Variants in PDE4B observed in about 807,000 individuals in gnomAD.
PDE4B encodes the protein phosphodiesterase 4B.
In PDE4B, 20 loss-of-function variants were observed where a neutral mutation model predicts 82.2. The observed-to-expected ratio is 0.24, with a 90% confidence interval of 0.17 to 0.35. PDE4B has a LOEUF of 0.35. Among genes scored for constraint, PDE4B ranks in the 10% least tolerant of loss-of-function variants. The pLI is 1.00. For synonymous variants in PDE4B, 320 were observed against 318.9 expected (o/e 1.00, Z -0.04); for missense variants, 655 against 907.2 (o/e 0.72, Z 3.57).
rs953666230 is a variant in PDE4B at position 65,918,668 on chromosome 1, C to G, written c.114C>G (p.Asp38Glu). ...CTTCCAGTAACACACTTGGGATCGA[C>G]CTCTGGAGAGGGAGAAGGTGTTGCT... ...YSSSSNTLGI[D>E]LWRGRRCCSG... The change falls in exon 3 of 17, where the codon GAC becomes GAG. Residue 38 changes from aspartate to glutamate, a missense_variant. Asp to Glu is a conservative substitution (Grantham distance 45). Coordinates refer to ENST00000341517, the MANE Select transcript of PDE4B (RefSeq NM_002600.4). The G allele has an allele frequency of 1.2e-6, 2 of 1,613,816 alleles. No homozygotes were observed. Among genetic ancestry groups the G allele is most frequent in the Admixed American group, 1.7e-5 (1 of 60,010 alleles).
At chr1:66,091,016 T>C (rs1645012516) in intron 3 of PDE4B, among the ~76,000 whole-genome samples, 2 of 151,988 alleles carry the variant, frequency 1.3e-5, no homozygotes, top group East Asian at 3.9e-4. Flanking sequence ...AATGTGTTCA[T>C]TGGAGTGGAG....
intron 7 of PDE4B, among the ~76,000 whole-genome samples, chr1:66,331,549 A>G (rs1660108318): frequency 6.6e-6 from 1 of 152,270 alleles, no homozygotes; most frequent in Non-Finnish European, 1.5e-5. Context: ...TAGCAAAAAA[A>G]TGTGATTTTC....
At chr1:65,852,834 A>G (rs528616247) in intron 1 of PDE4B, among the ~76,000 whole-genome samples, 107 of 152,106 alleles carry the variant, frequency 7.0e-4, no homozygotes, top group South Asian at 6.2e-4. Context: ...TACACTTTTC[A>G]TATACTTGAA....
intron 1 of PDE4B, among the ~76,000 whole-genome samples, chr1:65,838,706 C>T (rs1044418465): frequency 2.0e-5 from 3 of 150,808 alleles, no homozygotes; most frequent in East Asian, 1.9e-4. Context: ...TGCTAGTGAT[C>T]GATTTAGCCC....
intron 3 of PDE4B, among the ~76,000 whole-genome samples, chr1:66,082,582 A>G (rs1656796414): frequency 1.3e-5 from 2 of 151,780 alleles, no homozygotes; most frequent in South Asian, 2.1e-4. Flanking sequence ...TCATTTTGTC[A>G]GTTTTAAATG....
At chr1:66,055,330 A>G (rs1022541564) in intron 3 of PDE4B, among the ~76,000 whole-genome samples, 4 of 152,188 alleles carry the variant, frequency 2.6e-5, no homozygotes, top group African/African-American at 9.6e-5. Context: ...CATTTATTTA[A>G]CTTCCTTGAG....
intron 3 of PDE4B, among the ~76,000 whole-genome samples, chr1:65,995,766 T>C (rs554105644): frequency 6.6e-6 from 1 of 152,344 alleles, no homozygotes; most frequent in East Asian, 1.9e-4. Context: ...TTCCAAGATA[T>C]GCACTTAGAA....
chr1:65,851,812 A>T (rs773296760), intron 1 of PDE4B, among the ~76,000 whole-genome samples: 4 of 151,956 alleles, frequency 2.6e-5, no homozygotes, highest in Non-Finnish European at 5.9e-5. Context: ...GAATAGAAGT[A>T]GTGAGATTGG....
chr1:65,806,594 C>T (rs992513033), intron 1 of PDE4B, among the ~76,000 whole-genome samples: 3 of 152,168 alleles, frequency 2.0e-5, no homozygotes, highest in Non-Finnish European at 4.4e-5. Context: ...TGTGTTTATC[C>T]ATGCAGTTCC....
chr1:66,240,475 G>A (rs1436923120), intron 3 of PDE4B, among the ~76,000 whole-genome samples: 1 of 152,124 alleles, frequency 6.6e-6, no homozygotes, highest in African/African-American at 2.4e-5. Context: ...GGTGTTTCCC[G>A]GTGAAGTGCA....
At chr1:65,913,170 AT>A (rs1647116270) in intron 1 of PDE4B, 74 bp from the exon 2 acceptor site, 1 of 612,312 alleles carries the variant, frequency 1.6e-6, no homozygotes, top group Non-Finnish European at 2.9e-6. Context: ...TCAAATGTTA[AT>A]TTAGAGAGTA....
At chr1:66,366,737 A>T (rs945221185) in intron 13 of PDE4B, among the ~76,000 whole-genome samples, 2 of 152,200 alleles carry the variant, frequency 1.3e-5, no homozygotes, top group Non-Finnish European at 2.9e-5. Flanking sequence ...TATATAGGCC[A>T]GTTAGCCTCA....
chr1:66,293,512 G>A (rs2101817274), intron 7 of PDE4B, among the ~76,000 whole-genome samples: 1 of 151,980 alleles, frequency 6.6e-6, no homozygotes, highest in South Asian at 2.1e-4. Flanking sequence ...GATAGAGTCT[G>A]AGCTGAAATC....
chr1:66,086,841 A>G (rs1344350518), intron 3 of PDE4B, among the ~76,000 whole-genome samples: 2 of 152,188 alleles, frequency 1.3e-5, no homozygotes, highest in African/African-American at 2.4e-5. Flanking sequence ...TTGTAAAGAA[A>G]TAACACCAAT....
intron 1 of PDE4B, among the ~76,000 whole-genome samples, chr1:65,866,252 A>T (rs1037590344): frequency 1.3e-5 from 2 of 152,192 alleles, no homozygotes; most frequent in African/African-American, 4.8e-5. Context: ...TTTATGTTAC[A>T]TAAATGTAAG....
intron 3 of PDE4B, among the ~76,000 whole-genome samples, chr1:65,988,002 C>T (rs1382857808): frequency 6.6e-6 from 1 of 152,230 alleles, no homozygotes; most frequent in Non-Finnish European, 1.5e-5. Flanking sequence ...ACTGTCTACT[C>T]TGTGCCATAG....
chr1:66,038,863 G>A (rs1056618323), intron 3 of PDE4B, among the ~76,000 whole-genome samples: 9 of 152,016 alleles, frequency 5.9e-5, no homozygotes, highest in African/African-American at 1.7e-4. Flanking sequence ...TAATGTCCAC[G>A]TGAAAATTAT....
intron 3 of PDE4B, among the ~76,000 whole-genome samples, chr1:66,199,687 C>T (rs1296086455): frequency 1.3e-5 from 2 of 152,014 alleles, no homozygotes; most frequent in African/African-American, 4.8e-5. Flanking sequence ...ATGAAGAAAT[C>T]TAATTTAGGC....
At chr1:66,150,334 A>C (rs1646365969) in intron 3 of PDE4B, among the ~76,000 whole-genome samples, 1 of 152,168 alleles carries the variant, frequency 6.6e-6, no homozygotes, top group South Asian at 2.1e-4. Flanking sequence ...TCGTTTTCAC[A>C]TTATTCATTG....
Sources: allele counts gnomAD v4.1 joint callset (sites outside exome capture counted in the v4.1 genomes callset), GRCh38; gene constraint gnomAD v4.1.1; transcripts MANE v1.5; gene names NCBI Gene and HGNC (gene_info 2026-07-23, HGNC 2026-07-21).